Variants in NME8 observed in about 807,000 individuals in gnomAD.
NME8 encodes the protein protein NME8.
Under a neutral mutation model 82.3 loss-of-function variants are expected in NME8, and 72 were observed. The ratio of observed to expected loss-of-function variants is 0.87; its 90% CI spans 0.72 to 1.06. The LOEUF is 1.06. Ranked by LOEUF, NME8 falls within the 50% of genes least tolerant of loss-of-function variation. The probability of loss-of-function intolerance (pLI) is 0.00; values close to 1 mark genes in which losing one functional copy is unlikely to be tolerated. For synonymous variants in NME8, 267 were observed against 228.5 expected (o/e 1.17, Z -1.52); for missense variants, 712 against 685.4 (o/e 1.04, Z -0.43).
At chr7:37,865,998 C>G (rs1784670276) in intron 10 of NME8, among the ~76,000 whole-genome samples, 1 of 151,958 alleles carries the variant, frequency 6.6e-6, no homozygotes, top group African/African-American at 2.4e-5. Flanking sequence ...TTTTCTTTAC[C>G]TAAGGGCCTT....
At position 37,850,315 on chromosome 7, in the gene NME8, C is replaced by G. The variant is rs1562826674; in HGVS notation, c.33+16C>G. On this transcript the variant is annotated intron_variant, in intron 3 of 17. Coordinates refer to ENST00000199447, the MANE Select transcript of NME8 (RefSeq NM_016616.5). ...CCAGTTACAGGTGGGTCTGACATAT[C>G]AACAATTCTTTATCTGGTGCACTAG... The G allele has an allele frequency of 6.2e-7, 1 of 1,614,066 alleles. No individual in the cohort carries two copies. Among genetic ancestry groups the G allele is most frequent in the Non-Finnish European group, 8.5e-7 (1 of 1,179,938 alleles).
intron 10 of NME8, among the ~76,000 whole-genome samples, chr7:37,866,988 A>G (rs1189954426): frequency 6.6e-6 from 1 of 152,158 alleles, no homozygotes; most frequent in Non-Finnish European, 1.5e-5. Flanking sequence ...TGAGGCTTTT[A>G]CTGAATACAC....
At chr7:37,882,266 T>C (rs1182067668) in intron 12 of NME8, among the ~76,000 whole-genome samples, 1 of 152,026 alleles carries the variant, frequency 6.6e-6, no homozygotes, top group African/African-American at 2.4e-5. Flanking sequence ...GCAGCCGCAT[T>C]GCTTGAGCCC....
chr7:37,855,924 A>C (rs909156224), intron 5 of NME8, among the ~76,000 whole-genome samples: 1 of 151,446 alleles, frequency 6.6e-6, no homozygotes, highest in Non-Finnish European at 1.5e-5. Context: ...GCAATGGCTC[A>C]ATGAACTTCC....
intron 6 of NME8, among the ~76,000 whole-genome samples, chr7:37,858,998 G>A (rs773006918): frequency 2.6e-5 from 4 of 151,982 alleles, no homozygotes; most frequent in African/African-American, 9.7e-5. Flanking sequence ...ATGACATGCT[G>A]TCTCCCTTTC....
intron 12 of NME8, among the ~76,000 whole-genome samples, chr7:37,881,619 C>T (rs946101649): frequency 1.3e-5 from 2 of 151,964 alleles, no homozygotes; most frequent in African/African-American, 4.8e-5. Flanking sequence ...GTTTTCTTTC[C>T]TTGTAATATC....
intron 15 of NME8, among the ~76,000 whole-genome samples, chr7:37,889,960 A>G (rs1217141828): frequency 1.3e-5 from 2 of 151,968 alleles, no homozygotes; most frequent in African/African-American, 4.8e-5. Flanking sequence ...TTTCTGATTT[A>G]TAATGTTGGT....
chr7:37,880,119 T>C (rs981058824), intron 12 of NME8, among the ~76,000 whole-genome samples: 1 of 152,156 alleles, frequency 6.6e-6, no homozygotes, highest in Non-Finnish European at 1.5e-5. Flanking sequence ...TCTTTTATCA[T>C]GTATGTGGTT....
rs1785125413 is a variant in NME8 at position 37,891,274 on chromosome 7, T to A, written c.1399+2846T>A. Among the ~76,000 whole-genome samples, 4 of 151,974 alleles carry A rather than the reference T, an allele frequency of 2.6e-5. No individual in the cohort carries two copies. The South Asian group carries it at 8.3e-4, about 31-fold the overall frequency. ...TTTTCTTCACTATGCAGAATTTAGT[T>A]TGATATAATCCCATTTGTCTGGTTT... is the stretch of plus-strand genomic sequence containing the variant. On this transcript the variant is annotated intron_variant, in intron 15 of 17. Transcript: ENST00000199447.
At chr7:37,862,951 C>T (rs1185375134) in intron 7 of NME8, among the ~76,000 whole-genome samples, 1 of 152,022 alleles carries the variant, frequency 6.6e-6, no homozygotes, top group African/African-American at 2.4e-5. Flanking sequence ...GAAACACCGT[C>T]TCTACTAAAA....
At chr7:37,856,984 G>T (rs984395062) in intron 5 of NME8, among the ~76,000 whole-genome samples, 2 of 152,176 alleles carry the variant, frequency 1.3e-5, no homozygotes, top group Non-Finnish European at 2.9e-5. Flanking sequence ...AGGAAGGATA[G>T]TTGAACAGGG....
Position 37,896,921 on chromosome 7 carries a change from G to A in NME8, c.1596G>A (p.Trp532Ter), listed in dbSNP as rs757206408. 1 of 1,613,734 alleles carries A rather than the reference G, an allele frequency of 6.2e-7. No individual in the cohort carries two copies. Among genetic ancestry groups the A allele is most frequent in the African/African-American group, 1.3e-5 (1 of 74,896 alleles). The change falls in exon 17 of 18, where the codon TGG (tryptophan) becomes TGA (stop). Residue 532 changes from tryptophan to a stop codon, truncating the protein, a stop_gained. Coordinates refer to ENST00000199447, the MANE Select transcript of NME8 (RefSeq NM_016616.5). LOFTEE classifies it high-confidence loss of function. ...CCAAGTGGAATGCTGTTGCAGAATG[G>A]AGACGATTGATGGGCCCAACAGACC... ...ILTKWNAVAE[W>*]RRLMGPTDPE...
At chr7:37,876,216 C>CTATA (rs57828103) in intron 11 of NME8, among the ~76,000 whole-genome samples, 2,823 of 143,198 alleles carry the variant, frequency 0.02, 157 homozygotes, top group Admixed American at 0.11. Flanking sequence ...CAAAAAAACA[C>CTATA]TATATATATA....
intron 6 of NME8, among the ~76,000 whole-genome samples, chr7:37,861,652 G>T (rs1784598299): frequency 6.6e-6 from 1 of 152,174 alleles, no homozygotes; most frequent in Non-Finnish European, 1.5e-5. Context: ...TAAAAGATGA[G>T]TGAGTGAAAG....
chr7:37,889,963 ATGT>A (rs376334902), intron 15 of NME8, among the ~76,000 whole-genome samples: 16 of 152,060 alleles, frequency 1.1e-4, no homozygotes, highest in African/African-American at 3.9e-4. Flanking sequence ...CTGATTTATA[ATGT>A]TGGTGGCCAT....
At chr7:37,871,612 G>A (rs1019268809) in intron 11 of NME8, among the ~76,000 whole-genome samples, 1 of 152,006 alleles carries the variant, frequency 6.6e-6, no homozygotes, top group Non-Finnish European at 1.5e-5. Context: ...CCAAATCCTA[G>A]AGATACAAAG....
chr7:37,875,410 A>C (rs1044397290), intron 11 of NME8, among the ~76,000 whole-genome samples: 1 of 151,950 alleles, frequency 6.6e-6, no homozygotes, highest in Admixed American at 6.6e-5. Context: ...AGACACACAC[A>C]CACACACACC....
At chr7:37,863,135 A>AAAATTT (rs1010623458) in intron 7 of NME8, among the ~76,000 whole-genome samples, 1 of 152,174 alleles carries the variant, frequency 6.6e-6, no homozygotes, top group African/African-American at 2.4e-5. Flanking sequence ...AAATTTAAAA[A>AAAATTT]AAATTTAAAA....
intron 7 of NME8, 80 bp downstream of exon 7, chr7:37,862,224 A>T: frequency 1.1e-6 from 1 of 902,974 alleles, no homozygotes; most frequent in Non-Finnish European, 1.9e-6. Context: ...TACTGGTGCT[A>T]GGTACCTCTA....
Sources: gnomAD v4.1 joint callset for allele counts (sites outside exome capture counted in the v4.1 genomes callset) on GRCh38, gnomAD v4.1.1 for gene constraint, MANE v1.5 for transcripts, NCBI Gene and HGNC (gene_info 2026-07-23, HGNC 2026-07-21) for gene names.